The following ROBO1 variants were observed in gnomAD, a reference collection of about 807,000 sequenced individuals.
ROBO1 encodes the protein roundabout guidance receptor 1.
In ROBO1, 149 loss-of-function variants were observed where a neutral mutation model predicts 195.9. That is an observed-to-expected ratio of 0.76 (90% confidence interval 0.67 to 0.87). ROBO1 has a LOEUF of 0.87. ROBO1 is among the 40% of genes least tolerant of loss of function. The pLI, the probability that ROBO1 is intolerant of heterozygous loss-of-function variation, is 0.00. For missense variants in ROBO1, 1,933 were observed against 2,068.3 expected (o/e 0.93, Z 1.27); for synonymous variants, 816 against 733.2 (o/e 1.11, Z -1.82).
In ROBO1 at chr3:79,149,513, T is replaced by TTTGTTGTTG. The variant is rs4068910; in HGVS notation, c.89-23983_89-23975dup. 1.4e-3 allele frequency among the ~76,000 whole-genome samples: 211 copies of TTTGTTGTTG among 149,246 alleles called. 1 individual carries two copies. Among genetic ancestry groups the TTTGTTGTTG allele is most frequent in the South Asian group, 5.7e-3 (27 of 4,706 alleles). On this transcript the variant is annotated intron_variant, in intron 2 of 30. Coordinates refer to ENST00000464233, the MANE Select transcript of ROBO1 (RefSeq NM_002941.4). ...GCTTATTCAGTCTCTTCGAACTGTG[T>TTTGTTGTTG]TTGTTGTTGTTGTTGTTGTTGTTGT...
intron 8 of ROBO1, among the ~76,000 whole-genome samples, chr3:78,711,353 TCCTTCCTTCCTTCCTTCCTTC>T (rs2081701449): frequency 6.6e-4 from 28 of 42,390 alleles, no homozygotes; most frequent in African/African-American, 3.0e-3. Flanking sequence ...CCTTCCTCCT[TCCTTCCTTCCTTCCTTCCTTC>T]CTTCCTTCCT....
At chr3:78,924,949 A>G (rs964901718) in intron 4 of ROBO1, among the ~76,000 whole-genome samples, 56 of 152,064 alleles carry the variant, frequency 3.7e-4, no homozygotes, top group Middle Eastern at 3.4e-3. Context: ...TTAAAAATAA[A>G]GTAGCAATTG....
At chr3:79,200,175 A>G (rs933555855) in intron 2 of ROBO1, among the ~76,000 whole-genome samples, 1 of 151,800 alleles carries the variant, frequency 6.6e-6, no homozygotes, top group Non-Finnish European at 1.5e-5. Flanking sequence ...GAAAAGGATT[A>G]GTCACCATTT....
chr3:78,892,384 C>G (rs898316386), intron 4 of ROBO1, among the ~76,000 whole-genome samples: 4 of 152,158 alleles, frequency 2.6e-5, no homozygotes, highest in Non-Finnish European at 5.9e-5. Flanking sequence ...GGTTAGAGCA[C>G]GGACTCTGGA....
chr3:79,524,214 C>T (rs1323574849), intron 2 of ROBO1, among the ~76,000 whole-genome samples: 1 of 150,596 alleles, frequency 6.6e-6, no homozygotes, highest in African/African-American at 2.4e-5. Flanking sequence ...AGAGAACCCA[C>T]TATTTAGAAA....
intron 4 of ROBO1, among the ~76,000 whole-genome samples, chr3:78,793,753 TA>T (rs1211607251): frequency 1.3e-5 from 2 of 152,018 alleles, no homozygotes; most frequent in African/African-American, 4.8e-5. Context: ...ATAAGATATT[TA>T]GTTTTTTTTT....
rs971056194 is a variant in ROBO1 at position 78,668,186 on chromosome 3, G to T, written c.1747C>A (p.Pro583Thr). 1.2e-6 allele frequency: 2 copies of T among 1,613,316 alleles called. No individual in the cohort carries two copies. The highest frequency in any genetic ancestry group is 2.7e-5 in the African/African-American group (2 of 74,858). ...GGAGTTGCTCCTGAATTCAAATTTGGTTGCCACGATAATGTGACTGTATTT... is the reference window on the plus strand; with the variant it reads ...GGAGTTGCTCCTGAATTCAAATTTGTTTGCCACGATAATGTGACTGTATTT... Reference protein sequence around the residue: ...SRNTVTLSWQPNLNSGATPTS... With the variant: ...SRNTVTLSWQTNLNSGATPTS... Residue 583 changes from proline (P) to threonine (T), a missense_variant, in exon 13 of 31, where the codon CCA becomes ACA. By Grantham distance (38) the Pro-to-Thr change is conservative (BLOSUM62 -1). Coordinates refer to ENST00000464233, the MANE Select transcript of ROBO1 (RefSeq NM_002941.4).
intron 4 of ROBO1, among the ~76,000 whole-genome samples, chr3:78,820,638 C>T (rs966595719): frequency 6.6e-6 from 1 of 152,166 alleles, no homozygotes; most frequent in African/African-American, 2.4e-5. Flanking sequence ...CTGTGTTCTC[C>T]ACTCTGGAAT....
intron 3 of ROBO1, among the ~76,000 whole-genome samples, chr3:79,091,166 A>G (rs796434764): frequency 2.0e-5 from 3 of 152,282 alleles, no homozygotes; most frequent in African/African-American, 7.2e-5. Context: ...TTGCTGGGAA[A>G]AAATGCATAC....
chr3:78,942,484 T>C (rs1275323042), intron 3 of ROBO1, among the ~76,000 whole-genome samples: 9 of 152,090 alleles, frequency 5.9e-5, no homozygotes, highest in Non-Finnish European at 1.2e-4. Context: ...GGAGATTCCA[T>C]GTTTCTTGTC....
At chr3:79,561,848 A>G (rs34819232) in intron 2 of ROBO1, among the ~76,000 whole-genome samples, 36,314 of 152,036 alleles carry the variant, frequency 0.24, 4,913 homozygotes, top group African/African-American at 0.36. Context: ...GTTCAGAAAA[A>G]TTCTACATGT....
intron 3 of ROBO1, among the ~76,000 whole-genome samples, chr3:79,056,050 G>A (rs967012157): frequency 6.6e-6 from 1 of 152,056 alleles, no homozygotes; most frequent in Non-Finnish European, 1.5e-5. Flanking sequence ...AAACCTATGG[G>A]AGCCATCCAA....
chr3:78,807,392 A>T lies in ROBO1; in HGVS notation c.500-60492T>A, dbSNP rs144220229. 1.8e-4 allele frequency among the ~76,000 whole-genome samples: 28 copies of T among 152,322 alleles called. 1 individual carries two copies. In the East Asian group the frequency reaches 5.4e-3, roughly 29 times the overall value. The stretch of plus-strand genomic sequence containing the variant: ...TCTCAAAAAAACTAAAAAGTTATAG[A>T]TGATGAGGAATAACATAGGAAACTG... On this transcript the variant is annotated intron_variant, in intron 4 of 30. Coordinates refer to ENST00000464233, the MANE Select transcript of ROBO1 (RefSeq NM_002941.4).
At chr3:78,784,842 A>C (rs1439519487) in intron 4 of ROBO1, among the ~76,000 whole-genome samples, 3 of 152,136 alleles carry the variant, frequency 2.0e-5, no homozygotes, top group Non-Finnish European at 2.9e-5. Context: ...TAACTTAGAA[A>C]AGTTTTCTCT....
In ROBO1 at chr3:78,597,738, C is replaced by G. The variant is rs917717821; in HGVS notation, c.*1175G>C. ...TTAAACCTCTTTTTTTCTTTAAGTC[C>G]AGGAAAAGTAAGAACCATTTGGTTC... On this transcript the variant is annotated 3_prime_UTR_variant, in exon 31 of 31. Coordinates refer to ENST00000464233, the MANE Select transcript of ROBO1 (RefSeq NM_002941.4). The G allele has an allele frequency of 1.3e-5, 2 of 152,200 alleles. No homozygotes were observed. Among genetic ancestry groups the G allele is most frequent in the Admixed American group, 1.3e-4 (2 of 15,234 alleles). The allele number at this position is 152,200 out of a possible 1,614,324, so 9.4% of individuals were successfully genotyped here. A position where few individuals can be genotyped will look rare whatever the true frequency, so the allele number is the denominator to read the frequency against.
chr3:78,821,132 A>T (rs1007376489), intron 4 of ROBO1, among the ~76,000 whole-genome samples: 1 of 151,732 alleles, frequency 6.6e-6, no homozygotes, highest in East Asian at 1.9e-4. Context: ...TGTAGAGATA[A>T]GTGCTTATAT....
At chr3:79,286,675 G>A (rs938385254) in intron 2 of ROBO1, among the ~76,000 whole-genome samples, 2 of 152,110 alleles carry the variant, frequency 1.3e-5, no homozygotes, top group Admixed American at 1.3e-4. Flanking sequence ...TTAAATTCCT[G>A]AGAGGCATTT....
chr3:79,270,414 T>C (rs1017325270), intron 2 of ROBO1, among the ~76,000 whole-genome samples: 3 of 151,374 alleles, frequency 2.0e-5, no homozygotes, highest in African/African-American at 7.3e-5. Context: ...ATTTATAATT[T>C]TAACGTTAAG....
chr3:79,663,347 A>G (rs1172896357), intron 1 of ROBO1, among the ~76,000 whole-genome samples: 1 of 152,130 alleles, frequency 6.6e-6, no homozygotes, highest in Non-Finnish European at 1.5e-5. Context: ...GTCAAAAGGC[A>G]GTGCTTGCAA....
Sources: gnomAD v4.1 joint callset for allele counts (sites outside exome capture counted in the v4.1 genomes callset) on GRCh38, gnomAD v4.1.1 for gene constraint, MANE v1.5 for transcripts, NCBI Gene and HGNC (gene_info 2026-07-23, HGNC 2026-07-21) for gene names.